PIK3C2G: variants seen among roughly 807,000 people sequenced by gnomAD.
PIK3C2G encodes phosphatidylinositol-4-phosphate 3-kinase catalytic subunit type 2 gamma.
PIK3C2G carries 168 observed loss-of-function variants against 181.1 expected under a neutral mutation model. The ratio of observed to expected loss-of-function variants is 0.93; its 90% CI spans 0.82 to 1.05. The LOEUF (loss-of-function observed/expected upper bound fraction) is 1.05. Ranked by LOEUF, PIK3C2G falls within the 50% of genes least tolerant of loss-of-function variation. PIK3C2G has a pLI of 0.00. For missense variants in PIK3C2G, 1,869 were observed against 1,732.8 expected (o/e 1.08, Z -1.40); for synonymous variants, 573 against 592.2 (o/e 0.97, Z 0.47).
At chr12:18,487,560 A>C (rs1173615838) in intron 18 of PIK3C2G, among the ~76,000 whole-genome samples, 1 of 152,140 alleles carries the variant, frequency 6.6e-6, no homozygotes, top group African/African-American at 2.4e-5. Context: ...ATGTGCAAAT[A>C]AATTAGTCTT....
chr12:18,648,958 A>G (rs538920876), downstream of PIK3C2G, among the ~76,000 whole-genome samples: 61 of 152,130 alleles, frequency 4.0e-4, no homozygotes, highest in Non-Finnish European at 8.2e-4. Flanking sequence ...AAAAAAATCT[A>G]AGCTTTTTCC....
At chr12:18,545,639 G>A (rs1224660838) in intron 25 of PIK3C2G, among the ~76,000 whole-genome samples, 3 of 151,736 alleles carry the variant, frequency 2.0e-5, no homozygotes, top group African/African-American at 7.3e-5. Context: ...CTGATAATTG[G>A]CAGGAAAATA....
At chr12:18,442,609 G>C (rs912948118) in intron 18 of PIK3C2G, among the ~76,000 whole-genome samples, 1 of 152,066 alleles carries the variant, frequency 6.6e-6, no homozygotes, top group Admixed American at 6.6e-5. Context: ...TACAAATATA[G>C]AGAGGCTAAA....
At chr12:18,693,696 G>C in the PIK3C2G span, 1 of 1,565,166 alleles carries the variant, frequency 6.4e-7, no homozygotes, top group East Asian at 2.2e-5. Context: ...GAAATTCAGC[G>C]AACAACGTTG....
chr12:18,633,649 G>A lies in PIK3C2G; in HGVS notation c.4183-6780G>A, dbSNP rs185373708. Among the ~76,000 whole-genome samples the A allele has an allele frequency of 3.9e-5, 6 of 152,270 alleles. No homozygotes were observed. In the East Asian group the frequency reaches 1.2e-3, roughly 29 times the overall value. ...TGTACTCCAGAAGTACTCTTCCTTA[G>A]TTCCATTGTGCAGTAGTCGTCCAAT... On this transcript the variant is annotated intron_variant, in intron 31 of 32. Transcript: ENST00000538779.
chr12:18,371,285 G>A lies in PIK3C2G; in HGVS notation c.1854G>A (p.Trp618Ter). Reference sequence around the variant, plus strand: ...CCAACAATGCAAATTTACTGGCGTGGACTTGTCTTCCACTGTTTCCAAAAG... The same window carrying A: ...CCAACAATGCAAATTTACTGGCGTGAACTTGTCTTCCACTGTTTCCAAAAG... Reference protein sequence around the residue: ...CATNNANLLAWTCLPLFPKEK... With the variant: ...CATNNANLLA The change falls in exon 13 of 33, where the codon TGG becomes TGA. Residue 618 changes from tryptophan to a stop codon, truncating the protein, a stop_gained. Coordinates refer to ENST00000538779, the MANE Select transcript of PIK3C2G (RefSeq NM_001288772.2). LOFTEE classifies it high-confidence loss of function. 3.1e-6 allele frequency: 5 copies of A among 1,611,108 alleles called. No individual in the cohort carries two copies. In the South Asian group the frequency reaches 4.4e-5, roughly 14 times the overall value.
At chr12:18,691,705 A>T in the PIK3C2G span, among the ~76,000 whole-genome samples, 1 of 152,164 alleles carries the variant, frequency 6.6e-6, no homozygotes, top group African/African-American at 2.4e-5. Flanking sequence ...TTATAATAGC[A>T]TTGTAAAGTG....
At chr12:18,706,053 C>A in the PIK3C2G span, among the ~76,000 whole-genome samples, 1 of 151,900 alleles carries the variant, frequency 6.6e-6, no homozygotes, top group African/African-American at 2.4e-5. Context: ...ATGGCGAAAC[C>A]CCATCTCTAC....
At chr12:18,502,943 C>T (rs542331392) in intron 22 of PIK3C2G, among the ~76,000 whole-genome samples, 1 of 152,214 alleles carries the variant, frequency 6.6e-6, no homozygotes, top group Admixed American at 6.5e-5. Context: ...AAATGTCCTC[C>T]CTTAAACTGT....
intron 6 of PIK3C2G, among the ~76,000 whole-genome samples, chr12:18,319,724 A>C (rs1216975138): frequency 2.0e-5 from 3 of 152,170 alleles, no homozygotes; most frequent in Non-Finnish European, 4.4e-5. Flanking sequence ...CAAATATTAC[A>C]GTTCAAATCT....
the PIK3C2G span, among the ~76,000 whole-genome samples, chr12:18,675,710 A>T: frequency 3.3e-5 from 5 of 152,280 alleles, no homozygotes; most frequent in East Asian, 3.9e-4. Flanking sequence ...GAATAAAATT[A>T]TATCTTTTGC....
At chr12:18,468,873 A>G (rs1938174286) in intron 18 of PIK3C2G, among the ~76,000 whole-genome samples, 1 of 152,136 alleles carries the variant, frequency 6.6e-6, no homozygotes, top group Admixed American at 6.6e-5. Flanking sequence ...CTTAATGACC[A>G]GAAAATGAGT....
In PIK3C2G at chr12:18,358,697, G is replaced by A. The variant is rs1940968646; in HGVS notation, c.1626-4067G>A. On this transcript the variant is annotated intron_variant, in intron 11 of 32. Coordinates refer to ENST00000538779, the MANE Select transcript of PIK3C2G (RefSeq NM_001288772.2). ...CCCACAAAATCCTCATCTCTTCCAG[G>A]AACCAAAGAAAGAGCTTCAGCCTTG... The A allele has an allele frequency of 6.3e-6, 3 of 477,078 alleles. No individual in the cohort carries two copies. In the East Asian group the frequency reaches 1.7e-4, roughly 27 times the overall value. 29.6% of individuals were successfully genotyped at this position (477,078 alleles called of 1,614,324 possible).
In PIK3C2G at chr12:18,416,113, C is replaced by G. The variant is rs546394059; in HGVS notation, c.2316-4828C>G. On this transcript the variant is annotated intron_variant, in intron 16 of 32. Coordinates refer to ENST00000538779, the MANE Select transcript of PIK3C2G (RefSeq NM_001288772.2). ...TACAAAAATTAGCTGGGTGTGGTGG[C>G]GGGTGCCTAAAATCCCAGCTACTCA... Among the ~76,000 whole-genome samples the G allele has an allele frequency of 3.3e-5, 5 of 152,006 alleles. No homozygotes were observed. The East Asian group carries it at 9.7e-4, about 29-fold the overall frequency.
intron 1 of PIK3C2G, among the ~76,000 whole-genome samples, chr12:18,278,793 A>G (rs1296810028): frequency 6.6e-6 from 1 of 152,160 alleles, no homozygotes; most frequent in African/African-American, 2.4e-5. Context: ...TTGTTTATAA[A>G]CTAAGAAATA....
chr12:18,642,013 T>C (rs1949867743), intron 32 of PIK3C2G, among the ~76,000 whole-genome samples: 1 of 152,152 alleles, frequency 6.6e-6, no homozygotes, highest in Non-Finnish European at 1.5e-5. Context: ...CCTCCCAAAA[T>C]GTTGGGATTA....
At chr12:18,398,988 G>A (rs55683311) in intron 15 of PIK3C2G, among the ~76,000 whole-genome samples, 14,804 of 151,662 alleles carry the variant, frequency 0.098, 1,013 homozygotes, top group Admixed American at 0.24. Flanking sequence ...GAGGTCAGGA[G>A]ATCGAGACCA....
At chr12:18,660,300 T>A in the PIK3C2G span, among the ~76,000 whole-genome samples, 1 of 152,118 alleles carries the variant, frequency 6.6e-6, no homozygotes, top group Admixed American at 6.6e-5. Flanking sequence ...CCATTAAATA[T>A]CAGGGATCTG....
chr12:18,617,719 A>G (rs1462358816), intron 31 of PIK3C2G, among the ~76,000 whole-genome samples: 2 of 152,178 alleles, frequency 1.3e-5, no homozygotes, highest in African/African-American at 2.4e-5. Context: ...GTTTCCAGCC[A>G]GAGACCTGAG....
Sources: gnomAD v4.1 joint callset for allele counts (sites outside exome capture counted in the v4.1 genomes callset) on GRCh38, gnomAD v4.1.1 for gene constraint, MANE v1.5 for transcripts, NCBI Gene and HGNC (gene_info 2026-07-23, HGNC 2026-07-21) for gene names.